The following STXBP3 variants were observed in gnomAD, a reference collection of about 807,000 sequenced individuals.
The protein encoded by STXBP3 is syntaxin-binding protein 3.
A neutral mutation model predicts 85.7 loss-of-function variants in STXBP3; 41 were observed. That is an observed-to-expected ratio of 0.48 (90% confidence interval 0.37 to 0.62). The LOEUF (loss-of-function observed/expected upper bound fraction) is 0.62. STXBP3 is among the 20% of genes least tolerant of loss of function. The probability of loss-of-function intolerance (pLI) is 0.00; values close to 1 mark genes in which losing one functional copy is unlikely to be tolerated. For synonymous variants in STXBP3, 229 were observed against 231.7 expected (o/e 0.99, Z 0.10); for missense variants, 563 against 703.1 (o/e 0.80, Z 2.25).
intron 11 of STXBP3, 108 bp from the exon 12 acceptor site, chr1:108,793,474 C>G: frequency 1.1e-6 from 1 of 948,368 alleles, no homozygotes; most frequent in Admixed American, 2.8e-5. Flanking sequence ...GTCAAATATT[C>G]AGTAAATTAA....
At chr1:108,802,241 AC>A (rs1215490049) in intron 17 of STXBP3, among the ~76,000 whole-genome samples, 1 of 151,994 alleles carries the variant, frequency 6.6e-6, no homozygotes, top group African/African-American at 2.4e-5. Flanking sequence ...TACTAAAAAT[AC>A]AAAAATTAGC....
chr1:108,801,036 G>A (rs1663223471), intron 17 of STXBP3, among the ~76,000 whole-genome samples: 1 of 152,054 alleles, frequency 6.6e-6, no homozygotes, highest in South Asian at 2.1e-4. Flanking sequence ...ACATAAGTTG[G>A]AGGGTTTGAC....
intron 6 of STXBP3, among the ~76,000 whole-genome samples, chr1:108,763,897 A>G (rs1232876051): frequency 1.3e-5 from 2 of 151,928 alleles, no homozygotes; most frequent in Non-Finnish European, 2.9e-5. Context: ...TTTTTTTGTT[A>G]ACTTTTAGGT....
chr1:108,786,549 C>T (rs1662832428), intron 11 of STXBP3, among the ~76,000 whole-genome samples: 1 of 152,216 alleles, frequency 6.6e-6, no homozygotes, highest in Non-Finnish European at 1.5e-5. Context: ...AAAGACCATC[C>T]TTTCACCATT....
chr1:108,805,548 C>T, intron 17 of STXBP3, among the ~76,000 whole-genome samples: 1 of 151,652 alleles, frequency 6.6e-6, no homozygotes, highest in East Asian at 1.9e-4. Flanking sequence ...CCTCAGTTTC[C>T]TGAGTAACTG....
At chr1:108,787,813 A>G (rs1226756738) in intron 11 of STXBP3, among the ~76,000 whole-genome samples, 5 of 151,508 alleles carry the variant, frequency 3.3e-5, no homozygotes, top group Non-Finnish European at 5.9e-5. Context: ...TTTAAGAGAC[A>G]GGGTCTTGTT....
intron 7 of STXBP3, among the ~76,000 whole-genome samples, chr1:108,773,552 C>G (rs867516572): frequency 6.6e-6 from 1 of 151,704 alleles, no homozygotes; most frequent in Non-Finnish European, 1.5e-5. Context: ...ATTTTTTTGC[C>G]CAGTTATTCT....
intron 11 of STXBP3, among the ~76,000 whole-genome samples, chr1:108,786,289 G>A (rs974777019): frequency 1.1e-4 from 17 of 152,072 alleles, no homozygotes; most frequent in Admixed American, 1.1e-3. Flanking sequence ...TAAGACCATC[G>A]GATCTCATGA....
At chr1:108,754,033 C>CTTTT (rs35931069) in intron 3 of STXBP3, among the ~76,000 whole-genome samples, 30 of 133,774 alleles carry the variant, frequency 2.2e-4, no homozygotes, top group South Asian at 4.7e-4. Flanking sequence ...ATAAAATAAT[C>CTTTT]TTTTTTTTTT....
rs1446814707 is a variant in STXBP3 at position 108,758,533 on chromosome 1, T to C, written c.282T>C (p.Asp94=). ...AGTCTGTAGATTGTTTCTTACATGA[T>C]TTTGCAAGTAAATCGGAGAACAAGT... ...TSKSVDCFLH[D]FASKSENKYK... Residue 94 remains aspartate, a synonymous_variant, in exon 5 of 19, where the codon GAT becomes GAC. Coordinates refer to ENST00000370008, the MANE Select transcript of STXBP3 (RefSeq NM_007269.4). The C allele has an allele frequency of 6.5e-7, 1 of 1,543,150 alleles. No individual in the cohort carries two copies. The highest frequency in any genetic ancestry group is 8.8e-7 in the Non-Finnish European group (1 of 1,139,518).
chr1:108,748,213 C>CA (rs1220687937), intron 1 of STXBP3, among the ~76,000 whole-genome samples: 8 of 152,016 alleles, frequency 5.3e-5, no homozygotes, highest in Admixed American at 4.6e-4. Context: ...CTTGAGGTGG[C>CA]AAAAAATTTT....
chr1:108,796,547 G>C, intron 14 of STXBP3, 73 bp from the exon 15 acceptor site: 3 of 1,351,796 alleles, frequency 2.2e-6, no homozygotes, highest in South Asian at 2.6e-5. Context: ...TCATTCATGG[G>C]TACTACCTAA....
chr1:108,801,017 T>G (rs112385665), intron 17 of STXBP3, among the ~76,000 whole-genome samples: 8 of 152,342 alleles, frequency 5.3e-5, no homozygotes, highest in African/African-American at 1.9e-4. Flanking sequence ...TTTCTGAAAC[T>G]CCTGTTACAC....
At chr1:108,783,654 C>G (rs1234696056) in intron 11 of STXBP3, among the ~76,000 whole-genome samples, 1 of 152,078 alleles carries the variant, frequency 6.6e-6, no homozygotes, top group Non-Finnish European at 1.5e-5. Flanking sequence ...GGTGGACATA[C>G]ACACTCTTTC....
chr1:108,774,472 T>C (rs947118355), intron 7 of STXBP3, among the ~76,000 whole-genome samples: 7 of 152,110 alleles, frequency 4.6e-5, no homozygotes, highest in Admixed American at 1.3e-4. Flanking sequence ...TGTAGTACTT[T>C]AAGTCACATT....
chr1:108,779,354 A>G lies in STXBP3; in HGVS notation c.753A>G (p.Glu251=). 3 of 1,613,134 alleles carry G rather than the reference A, an allele frequency of 1.9e-6. No individual in the cohort carries two copies. Among genetic ancestry groups the G allele is most frequent in the Non-Finnish European group, 2.5e-6 (3 of 1,179,402 alleles). Residue 251 remains glutamate (E), a synonymous_variant, in exon 9 of 19, where the codon GAA becomes GAG. Coordinates refer to ENST00000370008, the MANE Select transcript of STXBP3 (RefSeq NM_007269.4). ...ATCCTGTGTCCACTGTCCTGCATGA[A>G]CTGACCTTTCAGGCAATGGCATATG... ...GFDPVSTVLH[E]LTFQAMAYDL...
Position 108,746,700 on chromosome 1 carries a change from G to C in STXBP3, c.-38G>C. Reference sequence around the variant, plus strand: ...CTTCTGCGGCCAAAGTAGGTTGGGAGTGGAAGGTGGTGGCTGCTGCTCCGC... The same window carrying C: ...CTTCTGCGGCCAAAGTAGGTTGGGACTGGAAGGTGGTGGCTGCTGCTCCGC... On this transcript the variant is annotated 5_prime_UTR_variant, in exon 1 of 19. Coordinates refer to ENST00000370008, the MANE Select transcript of STXBP3 (RefSeq NM_007269.4). 2 of 1,547,978 alleles carry C rather than the reference G, an allele frequency of 1.3e-6. No homozygotes were observed. Among genetic ancestry groups the C allele is most frequent in the Non-Finnish European group, 1.7e-6 (2 of 1,145,396 alleles).
rs1557806581 is a variant in STXBP3 at position 108,772,362 on chromosome 1, C to CATATATAAATACATATGATATCTGT, written c.439-279_439-255dup. Among the ~76,000 whole-genome samples, 22 of 34,550 alleles carry CATATATAAATACATATGATATCTGT rather than the reference C, an allele frequency of 6.4e-4. 4 individuals carry two copies. Among genetic ancestry groups the CATATATAAATACATATGATATCTGT allele is most frequent in the African/African-American group, 2.0e-3 (13 of 6,624 alleles). The allele number at this position is 34,550 out of a possible 152,430, so 22.7% of individuals were successfully genotyped here. ...ATATAAATACATATGATATCTGTAT[C>CATATATAAATACATATGATATCTGT]ATATATAAATACATATGATATCTGT... On this transcript the variant is annotated intron_variant, in intron 6 of 18. Transcript: ENST00000370008.
At position 108,769,948 on chromosome 1, in the gene STXBP3, C is replaced by A. The variant is rs191068021; in HGVS notation, c.439-2717C>A. On this transcript the variant is annotated intron_variant, in intron 6 of 18. Coordinates refer to ENST00000370008, the MANE Select transcript of STXBP3 (RefSeq NM_007269.4). ...GGGAAAAGAGAAAATAGTGGAGCCACACAATAGCTTTTAAAGCTTCTGCTG... is the reference window on the plus strand; with the variant it reads ...GGGAAAAGAGAAAATAGTGGAGCCAAACAATAGCTTTTAAAGCTTCTGCTG... Among the ~76,000 whole-genome samples, 31 of 152,266 alleles carry A rather than the reference C, an allele frequency of 2.0e-4. No homozygotes were observed. In the East Asian group the frequency reaches 5.8e-3, roughly 28 times the overall value.
Sources: allele counts gnomAD v4.1 joint callset (sites outside exome capture counted in the v4.1 genomes callset), GRCh38; gene constraint gnomAD v4.1.1; transcripts MANE v1.5; gene names NCBI Gene and HGNC (gene_info 2026-07-23, HGNC 2026-07-21).